The following PLA2G2F variants were observed in gnomAD, a reference collection of about 807,000 sequenced individuals.
PLA2G2F encodes group IIF secretory phospholipase A2.
PLA2G2F carries 17 observed loss-of-function variants against 15.9 expected under a neutral mutation model. The ratio of observed to expected loss-of-function variants is 1.07; its 90% CI spans 0.73 to 1.60. The LOEUF (loss-of-function observed/expected upper bound fraction) is 1.60. Ranked by LOEUF, PLA2G2F falls within the 40% of genes most tolerant of loss-of-function variation. PLA2G2F has a pLI of 0.00. For missense variants in PLA2G2F, 299 were observed against 278.2 expected, an observed-to-expected ratio of 1.07 and a Z score of -0.53; for synonymous variants, 119 against 106.5, an observed-to-expected ratio of 1.12 and a Z score of -0.72.
rs2017688603 is a variant in PLA2G2F at position 20,149,568 on chromosome 1, G to A, written c.*1167G>A. On this transcript the variant is annotated 3_prime_UTR_variant, in exon 5 of 5. Coordinates refer to ENST00000375102, the MANE Select transcript of PLA2G2F (RefSeq NM_022819.4). The stretch of plus-strand genomic sequence containing the variant: ...GAGGGTCAAGGTAGGAGGCTACATG[G>A]AAGCTTCTAGAAGGCAGTAAGGAAC... The A allele has an allele frequency of 6.6e-6, 1 of 152,528 alleles. No homozygotes were observed. The allele number at this position is 152,528 out of a possible 1,614,324, so 9.4% of individuals were successfully genotyped here.
rs1469962353 is a variant in PLA2G2F at position 20,139,547 on chromosome 1, G to A, written c.116+4G>A. The A allele has an allele frequency of 6.6e-7, 1 of 1,507,380 alleles. No individual in the cohort carries two copies. The allele number at this position is 1,507,380 out of a possible 1,614,324, so 93.4% of individuals were successfully genotyped here. Reference sequence around the variant, plus strand: ...CCTGTCCTTCAAGAACCTCCAGGTAGGTGCCTGTTGCCCTGAGATGGAATC... The same window carrying A: ...CCTGTCCTTCAAGAACCTCCAGGTAAGTGCCTGTTGCCCTGAGATGGAATC... On this transcript the variant is annotated splice_donor_region_variant and intron_variant, in intron 1 of 4. Transcript: ENST00000375102.
chr1:20,141,353 T>C (rs774878019), intron 2 of PLA2G2F: 6 of 152,304 alleles, frequency 3.9e-5, no homozygotes, highest in Non-Finnish European at 8.8e-5. Context: ...TGAGTGTAGG[T>C]GTATGAGTGT....
At chr1:20,143,919 G>A in intron 3 of PLA2G2F, 1 of 236,670 alleles carries the variant, frequency 4.2e-6, no homozygotes, top group Non-Finnish European at 8.3e-6. Context: ...TGTGACCCCT[G>A]CCTGCCTCAC....
intron 4 of PLA2G2F, among the ~76,000 whole-genome samples, chr1:20,147,348 C>A (rs759481750): frequency 1.4e-4 from 22 of 152,168 alleles, no homozygotes; most frequent in Non-Finnish European, 2.6e-4. Flanking sequence ...TAGGGACAAA[C>A]AACAGTAGCA....
intron 4 of PLA2G2F, among the ~76,000 whole-genome samples, chr1:20,146,490 G>A (rs929245075): frequency 3.9e-5 from 6 of 152,160 alleles, no homozygotes. Context: ...GTAAGCGCAA[G>A]TGGCATCCAA....
Position 20,150,021 on chromosome 1 carries a change from A to G in PLA2G2F, c.*1620A>G, listed in dbSNP as rs1269887153. On this transcript the variant is annotated 3_prime_UTR_variant, in exon 5 of 5. Transcript: ENST00000375102. ...GGGACATGTATGAAAAAAGGACAGG[A>G]AACCTGACCAGAGGCGGTTTCCAGA... 6.6e-6 allele frequency: 1 copy of G among 152,300 alleles called. No individual in the cohort carries two copies. Among genetic ancestry groups the G allele is most frequent in the East Asian group, 1.9e-4 (1 of 5,172 alleles). The allele number at this position is 152,300 out of a possible 1,614,324, so 9.4% of individuals were successfully genotyped here.
intron 4 of PLA2G2F, 26 bp downstream of exon 4, chr1:20,144,715 C>T (rs767492227): frequency 6.5e-7 from 1 of 1,544,424 alleles, no homozygotes; most frequent in Non-Finnish European, 8.8e-7. Flanking sequence ...GTCACCTGGG[C>T]CCCCAGAGAA....
intron 1 of PLA2G2F, among the ~76,000 whole-genome samples, chr1:20,139,943 G>GT (rs2017426038): frequency 6.6e-6 from 1 of 152,134 alleles, no homozygotes; most frequent in Admixed American, 6.5e-5. Context: ...TCCTGCCAGA[G>GT]TGGGGGGCAA....
chr1:20,144,723 G>A, intron 4 of PLA2G2F, 34 bp downstream of exon 4: 1 of 1,518,412 alleles, frequency 6.6e-7, no homozygotes, highest in Non-Finnish European at 9.0e-7. Context: ...GGCCCCCAGA[G>A]AAGGGAGTGG....
Position 20,140,272 on chromosome 1 carries a change from C to T in PLA2G2F, c.169+54C>T, listed in dbSNP as rs2017432414. On this transcript the variant is annotated intron_variant, in intron 2 of 4. Transcript: ENST00000375102. ...TTCTCTCCCACTCCCAGCTTGTCTC[C>T]CGTGACCTTGGGCGCCTGAGTTATG... is the stretch of plus-strand genomic sequence containing the variant. The T allele has an allele frequency of 1.9e-6, 3 of 1,590,172 alleles. No individual in the cohort carries two copies. The East Asian group carries it at 6.8e-5, about 36-fold the overall frequency.
chr1:20,139,672 T>C, intron 1 of PLA2G2F, 129 bp downstream of exon 1: 1 of 707,310 alleles, frequency 1.4e-6, no homozygotes, highest in Non-Finnish European at 2.3e-6. Flanking sequence ...GATCATTTAG[T>C]CAACCTTCAC....
intron 3 of PLA2G2F, chr1:20,143,882 C>T (rs535202259): frequency 2.7e-4 from 82 of 308,516 alleles, no homozygotes; most frequent in Non-Finnish European, 4.4e-4. Flanking sequence ...AGCAGTCACA[C>T]AGCTGACACC....
In PLA2G2F at chr1:20,143,584, T is replaced by G. The variant is rs2017523515; in HGVS notation, c.308T>G (p.Val103Gly). The change falls in exon 3 of 5, where the codon GTG becomes GGG. Residue 103 changes from valine (V) to glycine (G), a missense_variant. Val to Gly is a moderately radical substitution (Grantham distance 109). Transcript: ENST00000375102. ...GGCCGTGGCCAGCCCAAGGATGAGG[T>G]GGACTGGTAGGTACCAGAGGCCTGG... ...LGGRGQPKDEVDWCCHAHDCC... is the reference protein window; with the variant it reads ...LGGRGQPKDEGDWCCHAHDCC... 2 of 1,613,604 alleles carry G rather than the reference T, an allele frequency of 1.2e-6. No homozygotes were observed. Among genetic ancestry groups the G allele is most frequent in the Admixed American group, 1.7e-5 (1 of 59,988 alleles).
intron 3 of PLA2G2F, among the ~76,000 whole-genome samples, chr1:20,144,339 T>C (rs760698611): frequency 3.3e-5 from 5 of 152,084 alleles, no homozygotes; most frequent in Admixed American, 2.0e-4. Context: ...CAGGGGAGAA[T>C]GTGTCCTGGG....
chr1:20,140,247 T>A (rs1169159803), intron 2 of PLA2G2F, 29 bp downstream of exon 2: 1 of 1,610,716 alleles, frequency 6.2e-7, no homozygotes, highest in South Asian at 1.1e-5. Context: ...GGGCTCCTCC[T>A]TCTCTCCCAC....
chr1:20,142,360 C>T (rs2017491993), intron 2 of PLA2G2F: 1 of 152,394 alleles, frequency 6.6e-6, no homozygotes, highest in Non-Finnish European at 1.5e-5. Flanking sequence ...CTTTCTGAGC[C>T]TTAGTTTCCT....
intron 4 of PLA2G2F, among the ~76,000 whole-genome samples, chr1:20,146,676 A>T (rs183162604): frequency 1.3e-4 from 20 of 152,250 alleles, no homozygotes; most frequent in Non-Finnish European, 1.5e-5. Flanking sequence ...TTGCAAAGAC[A>T]CTCAAATCTT....
intron 4 of PLA2G2F, 84 bp downstream of exon 4, chr1:20,144,773 G>A: frequency 1.6e-6 from 2 of 1,236,010 alleles, no homozygotes; most frequent in Non-Finnish European, 2.3e-6. Flanking sequence ...GGACAGGCTT[G>A]CCAGATTAAA....
At chr1:20,141,094 A>C (rs1016017896) in intron 2 of PLA2G2F, 4 of 152,254 alleles carry the variant, frequency 2.6e-5, no homozygotes, top group Non-Finnish European at 5.9e-5. Context: ...ATTCAGGCAA[A>C]GTGACTTGTT....
Sources: gnomAD v4.1 joint callset for allele counts (sites outside exome capture counted in the v4.1 genomes callset) on GRCh38, gnomAD v4.1.1 for gene constraint, MANE v1.5 for transcripts, NCBI Gene and HGNC (gene_info 2026-07-23, HGNC 2026-07-21) for gene names.